The following RGS17 variants were observed in gnomAD, a reference collection of about 807,000 sequenced individuals.
RGS17 encodes the protein regulator of G protein signaling 17.
In RGS17, 12 loss-of-function variants were observed where a neutral mutation model predicts 25.5. The ratio of observed to expected loss-of-function variants is 0.47; its 90% confidence interval spans 0.30 to 0.76. The LOEUF is 0.76. Among genes scored for constraint, RGS17 ranks in the 30% least tolerant of loss-of-function variants. RGS17 has a pLI of 0.07. For synonymous variants in RGS17, 71 were observed against 76.9 expected (o/e 0.92, Z 0.40); for missense variants, 196 against 242.2 (o/e 0.81, Z 1.27).
chr6:153,102,766 G>C (rs1256413510), intron 1 of RGS17, among the ~76,000 whole-genome samples: 1 of 152,166 alleles, frequency 6.6e-6, no homozygotes, highest in Non-Finnish European at 1.5e-5. Flanking sequence ...ATAAGGGTTA[G>C]GCCCAAAGCA....
intron 4 of RGS17, among the ~76,000 whole-genome samples, chr6:153,017,530 T>A (rs1264892441): frequency 2.0e-5 from 3 of 152,190 alleles, no homozygotes; most frequent in Non-Finnish European, 4.4e-5. Context: ...TGAAGGTGGG[T>A]TAGCATTGCT....
At chr6:153,081,514 G>C (rs1776980715) in intron 1 of RGS17, among the ~76,000 whole-genome samples, 1 of 152,048 alleles carries the variant, frequency 6.6e-6, no homozygotes, top group Non-Finnish European at 1.5e-5. Flanking sequence ...TCTTGATAAT[G>C]TCTAGCTTCT....
intron 1 of RGS17, among the ~76,000 whole-genome samples, chr6:153,074,791 T>C (rs745445920): frequency 2.6e-5 from 4 of 152,212 alleles, no homozygotes; most frequent in Non-Finnish European, 5.9e-5. Flanking sequence ...CAGTCCATGG[T>C]TGGTATCAGA....
chr6:153,006,483 T>C lies in RGS17; in HGVS notation c.*5091A>G, dbSNP rs186182968. ...CATTGAAAGAAACATTTCTATAGATTTGAGGTGATGGTGAACTGAAAGTAC... is the reference window on the plus strand; with the variant it reads ...CATTGAAAGAAACATTTCTATAGATCTGAGGTGATGGTGAACTGAAAGTAC... On this transcript the variant is annotated 3_prime_UTR_variant, in exon 5 of 5. Transcript: ENST00000206262. The C allele has an allele frequency of 1.3e-5, 2 of 152,712 alleles. No individual in the cohort carries two copies. Among genetic ancestry groups the C allele is most frequent in the African/African-American group, 4.8e-5 (2 of 41,558 alleles). 9.5% of individuals were successfully genotyped at this position (152,712 alleles called of 1,614,324 possible).
intron 1 of RGS17, among the ~76,000 whole-genome samples, chr6:153,087,270 C>T (rs1035968329): frequency 5.3e-5 from 8 of 152,028 alleles, no homozygotes; most frequent in East Asian, 3.9e-4. Flanking sequence ...AGTGAGACTC[C>T]GTCTAAAACA....
intron 1 of RGS17, among the ~76,000 whole-genome samples, chr6:153,068,090 A>G (rs1776734542): frequency 6.6e-6 from 1 of 152,218 alleles, no homozygotes; most frequent in African/African-American, 2.4e-5. Context: ...GGTGCTGGAA[A>G]AACTGGATAT....
intron 1 of RGS17, among the ~76,000 whole-genome samples, chr6:153,107,566 C>T (rs1418323026): frequency 6.6e-6 from 1 of 151,798 alleles, no homozygotes; most frequent in Non-Finnish European, 1.5e-5. Context: ...AGTACAAAAT[C>T]AACTTCTTAA....
intron 1 of RGS17, among the ~76,000 whole-genome samples, chr6:153,067,700 G>A (rs1048470086): frequency 2.6e-5 from 4 of 152,126 alleles, no homozygotes; most frequent in African/African-American, 9.7e-5. Context: ...TCCATGGATT[G>A]GAAGAATCAA....
chr6:153,009,917 A>C lies in RGS17; in HGVS notation c.*1657T>G, dbSNP rs184142789. The C allele has an allele frequency of 2.6e-5, 4 of 152,048 alleles. No individual in the cohort carries two copies. Among genetic ancestry groups the C allele is most frequent in the Admixed American group, 2.0e-4 (3 of 15,290 alleles). 9.4% of individuals were successfully genotyped at this position (152,048 alleles called of 1,614,324 possible). A position where few individuals can be genotyped will look rare whatever the true frequency, so the allele number is the denominator to read the frequency against. Reference sequence around the variant, plus strand: ...ACTTGCTTAAAAAAACCATTTTTGAAATGTTTTAAGTTTATGGAAAAAGAA... The same window carrying C: ...ACTTGCTTAAAAAAACCATTTTTGACATGTTTTAAGTTTATGGAAAAAGAA... On this transcript the variant is annotated 3_prime_UTR_variant, in exon 5 of 5. Transcript: ENST00000206262.
At position 153,130,714 on chromosome 6, in the gene RGS17, C is replaced by T. The variant is rs955694927; in HGVS notation, c.-26+410G>A. Among the ~76,000 whole-genome samples the T allele has an allele frequency of 1.2e-4, 18 of 152,128 alleles. No homozygotes were observed. The highest frequency in any genetic ancestry group is 3.6e-4 in the African/African-American group (15 of 41,450). Reference sequence around the variant, plus strand: ...ACCGCACAAAACCCGCAACACCTCGCGTCCCCGCGGGGTCTCCCGCGCCCC... The same window carrying T: ...ACCGCACAAAACCCGCAACACCTCGTGTCCCCGCGGGGTCTCCCGCGCCCC... On this transcript the variant is annotated intron_variant, in intron 1 of 4. Coordinates refer to ENST00000206262, the MANE Select transcript of RGS17 (RefSeq NM_012419.5). This position sits in a 1 kb window ranked among gnomAD's most constrained non-coding sequence, Gnocchi z 6.4.
intron 1 of RGS17, among the ~76,000 whole-genome samples, chr6:153,066,094 G>A (rs560881881): frequency 2.6e-5 from 4 of 152,216 alleles, no homozygotes; most frequent in African/African-American, 7.2e-5. Flanking sequence ...TGAAAAAGGA[G>A]ACATTACAGC....
At chr6:153,074,363 A>G (rs1234893672) in intron 1 of RGS17, among the ~76,000 whole-genome samples, 1 of 152,226 alleles carries the variant, frequency 6.6e-6, no homozygotes, top group African/African-American at 2.4e-5. Context: ...ACAGGTAGGC[A>G]AAATCAATTC....
chr6:153,035,104 A>T (rs1218299635), intron 2 of RGS17, among the ~76,000 whole-genome samples: 1 of 151,996 alleles, frequency 6.6e-6, no homozygotes, highest in Non-Finnish European at 1.5e-5. Context: ...CAGTGGGCCA[A>T]GATCGCACCA....
intron 1 of RGS17, among the ~76,000 whole-genome samples, chr6:153,047,588 T>C (rs1776401178): frequency 6.6e-6 from 1 of 152,202 alleles, no homozygotes; most frequent in Non-Finnish European, 1.5e-5. Context: ...AATTAGCTCA[T>C]GATAGCTGAG....
intron 4 of RGS17, among the ~76,000 whole-genome samples, chr6:153,012,874 C>T (rs1021404917): frequency 5.9e-5 from 9 of 152,204 alleles, no homozygotes; most frequent in African/African-American, 2.2e-4. Context: ...AATACAGTCT[C>T]TTATTGAAGC....
intron 2 of RGS17, among the ~76,000 whole-genome samples, chr6:153,035,246 T>C (rs1283630353): frequency 6.6e-6 from 1 of 152,172 alleles, no homozygotes; most frequent in East Asian, 1.9e-4. Context: ...CAAAAAGATG[T>C]ACATTAATAT....
chr6:153,067,721 A>C (rs1404838627), intron 1 of RGS17, among the ~76,000 whole-genome samples: 1 of 152,196 alleles, frequency 6.6e-6, no homozygotes, highest in Non-Finnish European at 1.5e-5. Context: ...TATTGTTAAA[A>C]TGTCCATACT....
intron 1 of RGS17, among the ~76,000 whole-genome samples, chr6:153,061,691 T>C (rs1052538529): frequency 1.2e-4 from 17 of 138,456 alleles, no homozygotes; most frequent in Non-Finnish European, 2.5e-4. Flanking sequence ...AAGAGATTAA[T>C]ACTATGTGGA....
At chr6:153,117,518 C>G (rs941436137) in intron 1 of RGS17, among the ~76,000 whole-genome samples, 8 of 152,202 alleles carry the variant, frequency 5.3e-5, no homozygotes, top group African/African-American at 1.9e-4. Flanking sequence ...TCTTTGTACT[C>G]TTCCCACTTA....
Sources: gnomAD v4.1 joint callset for allele counts (sites outside exome capture counted in the v4.1 genomes callset) on GRCh38, gnomAD v4.1.1 for gene constraint, Gnocchi (gnomAD v3.1) non-coding constraint, MANE v1.5 for transcripts, NCBI Gene and HGNC (gene_info 2026-07-23, HGNC 2026-07-21) for gene names.